The following OSBPL6 variants were observed in gnomAD, a reference collection of about 807,000 sequenced individuals.
OSBPL6 encodes the protein oxysterol-binding protein-related protein 6.
A neutral mutation model predicts 125.8 loss-of-function variants in OSBPL6; 49 were observed. That is an observed-to-expected ratio of 0.39 (90% CI 0.31 to 0.49). OSBPL6 has a LOEUF of 0.49. OSBPL6 is among the 20% of genes least tolerant of loss of function. The pLI, the probability that OSBPL6 is intolerant of heterozygous loss-of-function variation, is 0.88. For synonymous variants in OSBPL6, 394 were observed against 391.8 expected (o/e 1.01, Z -0.07); for missense variants, 986 against 1,135.4 (o/e 0.87, Z 1.89).
At chr2:178,371,350 G>T (rs949380895) in intron 13 of OSBPL6, among the ~76,000 whole-genome samples, 1 of 152,200 alleles carries the variant, frequency 6.6e-6, no homozygotes, top group African/African-American at 2.4e-5. Flanking sequence ...CCATGCTTAT[G>T]TAAAGCTGTT....
chr2:178,339,955 G>A (rs1469584271), intron 11 of OSBPL6, among the ~76,000 whole-genome samples, 191 bp downstream of exon 11: 1 of 152,048 alleles, frequency 6.6e-6, no homozygotes, highest in Non-Finnish European at 1.5e-5. Flanking sequence ...AAGTGAGAAG[G>A]ATTTAAAAGA....
chr2:178,313,041 G>T (rs919798668), intron 3 of OSBPL6, among the ~76,000 whole-genome samples: 1 of 151,836 alleles, frequency 6.6e-6, no homozygotes, highest in Admixed American at 6.6e-5. Context: ...GATTACAGGC[G>T]CCCAACACCA....
chr2:178,365,322 T>G (rs1692729008), intron 13 of OSBPL6, among the ~76,000 whole-genome samples: 1 of 152,098 alleles, frequency 6.6e-6, no homozygotes, highest in Non-Finnish European at 1.5e-5. Flanking sequence ...CTCAGCAAAT[T>G]TTATCGTCTT....
chr2:178,357,128 A>G (rs1298144771), intron 12 of OSBPL6, among the ~76,000 whole-genome samples: 4 of 152,258 alleles, frequency 2.6e-5, no homozygotes, highest in Admixed American at 6.5e-5. Flanking sequence ...CTAAAACTGT[A>G]AAAACTCTAG....
chr2:178,359,267 A>T (rs753233401), intron 12 of OSBPL6, among the ~76,000 whole-genome samples: 3 of 152,252 alleles, frequency 2.0e-5, no homozygotes. Context: ...ATACTTCTCC[A>T]AAGATGACAT....
chr2:178,195,249 C>G (rs941895252), intron 1 of OSBPL6, among the ~76,000 whole-genome samples: 7 of 152,136 alleles, frequency 4.6e-5, no homozygotes, highest in Admixed American at 4.6e-4. Context: ...CGGGGCACCC[C>G]TGCCCACCCG....
chr2:178,280,052 G>T (rs567394023), intron 1 of OSBPL6, among the ~76,000 whole-genome samples: 41 of 152,154 alleles, frequency 2.7e-4, no homozygotes, highest in Non-Finnish European at 5.0e-4. Context: ...ACAAAAATTA[G>T]CTGGGCATGG....
chr2:178,309,511 C>A (rs1687076899), intron 3 of OSBPL6, among the ~76,000 whole-genome samples: 1 of 152,150 alleles, frequency 6.6e-6, no homozygotes, highest in South Asian at 2.1e-4. Context: ...ATAGTAATTA[C>A]CTGTCCTTCC....
At chr2:178,381,860 C>T (rs1694509839) in intron 15 of OSBPL6, among the ~76,000 whole-genome samples, 1 of 152,188 alleles carries the variant, frequency 6.6e-6, no homozygotes, top group South Asian at 2.1e-4. Flanking sequence ...TTTTCTCTCC[C>T]CTCTGTCACA....
intron 14 of OSBPL6, among the ~76,000 whole-genome samples, chr2:178,372,512 T>C (rs1194575867): frequency 2.0e-5 from 3 of 151,886 alleles, no homozygotes; most frequent in Non-Finnish European, 2.9e-5. Flanking sequence ...TAATTTTCAA[T>C]GTCTGTCTCA....
chr2:178,239,695 G>T (rs1574591834), intron 1 of OSBPL6, among the ~76,000 whole-genome samples: 1 of 149,968 alleles, frequency 6.7e-6, no homozygotes, highest in South Asian at 2.1e-4. Flanking sequence ...GTGTGATCTC[G>T]GCTCACTGCA....
chr2:178,272,645 G>C (rs543296914), intron 1 of OSBPL6, among the ~76,000 whole-genome samples: 1 of 152,280 alleles, frequency 6.6e-6, no homozygotes, highest in South Asian at 2.1e-4. Flanking sequence ...CTCTCAGTTT[G>C]CTTCACAAGG....
Position 178,213,662 on chromosome 2 carries a change from C to T in OSBPL6, c.-351+18988C>T, listed in dbSNP as rs555748163. Among the ~76,000 whole-genome samples the T allele has an allele frequency of 1.9e-3, 282 of 152,330 alleles. 6 individuals carry two copies. In the South Asian group the frequency reaches 0.056, roughly 30 times the overall value. On this transcript the variant is annotated intron_variant, in intron 1 of 24. Transcript: ENST00000190611. ...GATCATGTCACTATGTGCTTAAACA[C>T]GTGCAGTTGCTGTCAGTTATTTGAC...
chr2:178,230,962 G>A (rs1337179562), intron 1 of OSBPL6, among the ~76,000 whole-genome samples: 1 of 152,142 alleles, frequency 6.6e-6, no homozygotes, highest in Non-Finnish European at 1.5e-5. Flanking sequence ...TATTGAAGTA[G>A]CATTGTTGTT....
intron 12 of OSBPL6, among the ~76,000 whole-genome samples, chr2:178,360,342 G>A (rs769796916): frequency 3.9e-5 from 6 of 152,212 alleles, no homozygotes; most frequent in African/African-American, 7.2e-5. Flanking sequence ...TGCTAAATTA[G>A]TAGATTATAG....
intron 2 of OSBPL6, among the ~76,000 whole-genome samples, chr2:178,294,895 A>C (rs1472439554): frequency 6.8e-6 from 1 of 147,612 alleles, no homozygotes; most frequent in Non-Finnish European, 1.5e-5. Context: ...TGGTGAGAAC[A>C]TGTAAAATCT....
intron 1 of OSBPL6, among the ~76,000 whole-genome samples, chr2:178,202,548 C>T (rs928225636): frequency 1.3e-5 from 2 of 152,032 alleles, no homozygotes; most frequent in African/African-American, 4.8e-5. Flanking sequence ...ATCTGCCGGG[C>T]GCTGTGGCTG....
intron 1 of OSBPL6, among the ~76,000 whole-genome samples, chr2:178,258,870 T>A (rs888986535): frequency 6.6e-6 from 1 of 152,180 alleles, no homozygotes; most frequent in Admixed American, 6.5e-5. Flanking sequence ...CAGATTCAAG[T>A]CTGTAAACGT....
At chr2:178,335,065 G>T in intron 8 of OSBPL6, among the ~76,000 whole-genome samples, 1 of 152,086 alleles carries the variant, frequency 6.6e-6, no homozygotes, top group Admixed American at 6.6e-5. Flanking sequence ...TTTAGTCCTT[G>T]TTAAATGAGA....
Sources: allele counts gnomAD v4.1 joint callset (sites outside exome capture counted in the v4.1 genomes callset), GRCh38; gene constraint gnomAD v4.1.1; transcripts MANE v1.5; gene names NCBI Gene and HGNC (gene_info 2026-07-23, HGNC 2026-07-21).